Variants in CHCT1 observed in about 807,000 individuals in gnomAD.
The protein encoded by CHCT1 is CHD1 helical C-terminal domain containing 1.
chr17:60,429,384 C>A, the CHCT1 span: 4 of 1,613,824 alleles, frequency 2.5e-6, no homozygotes, highest in Non-Finnish European at 3.4e-6. Context: ...GCCTCGGATG[C>A]GCCGGAGAGG....
chr17:60,430,122 CTTTTTTTTTTT>C, the CHCT1 span, among the ~76,000 whole-genome samples: 2 of 64,314 alleles, frequency 3.1e-5, no homozygotes, highest in Non-Finnish European at 8.0e-5. Context: ...ACGCACCTGG[CTTTTTTTTTTT>C]TTTTTTTTTT....
the CHCT1 span, among the ~76,000 whole-genome samples, chr17:60,430,102 G>A: frequency 6.9e-6 from 1 of 145,176 alleles, no homozygotes; most frequent in Non-Finnish European, 1.5e-5. Context: ...TGGGATTACA[G>A]GTGTGAGCCA....
At chr17:60,426,814 C>A in the CHCT1 span, 1 of 1,600,750 alleles carries the variant, frequency 6.2e-7, no homozygotes. Flanking sequence ...CGGCCAAGTT[C>A]CTGGTGAGGC....
At chr17:60,425,818 C>T in the CHCT1 span, 43 of 1,551,690 alleles carry the variant, frequency 2.8e-5, no homozygotes, top group South Asian at 4.0e-4. Context: ...CAAGCTCCAG[C>T]GCCAGCCCTG....
the CHCT1 span, chr17:60,425,678 G>A: frequency 1.3e-6 from 1 of 767,198 alleles, no homozygotes; most frequent in Non-Finnish European, 2.2e-6. Flanking sequence ...AGGTCTGAGG[G>A]CAATGGAGAA....
chr17:60,424,283 T>C, the CHCT1 span, among the ~76,000 whole-genome samples: 1 of 152,134 alleles, frequency 6.6e-6, no homozygotes, highest in African/African-American at 2.4e-5. Context: ...ATGACGATGC[T>C]AGAGGCTAGG....
the CHCT1 span, among the ~76,000 whole-genome samples, chr17:60,428,335 C>T: frequency 2.6e-5 from 4 of 152,248 alleles, no homozygotes; most frequent in South Asian, 2.1e-4. Flanking sequence ...CCTGCACTCT[C>T]GCCGTGCAGC....
chr17:60,428,798 A>C, the CHCT1 span, among the ~76,000 whole-genome samples: 1 of 151,864 alleles, frequency 6.6e-6, no homozygotes, highest in Non-Finnish European at 1.5e-5. Flanking sequence ...AAAAATTTAT[A>C]TATATATAGT....
the CHCT1 span, chr17:60,425,867 C>G: frequency 6.4e-7 from 1 of 1,551,468 alleles, no homozygotes; most frequent in Non-Finnish European, 8.7e-7. Context: ...GGGCCTGGAT[C>G]AGGACACCTT....
chr17:60,428,170 G>A, the CHCT1 span, among the ~76,000 whole-genome samples: 1 of 152,142 alleles, frequency 6.6e-6, no homozygotes, highest in African/African-American at 2.4e-5. Flanking sequence ...GTAACCCTAA[G>A]TGGTAATTAG....
chr17:60,428,939 G>A, the CHCT1 span, among the ~76,000 whole-genome samples: 2 of 144,710 alleles, frequency 1.4e-5, no homozygotes, highest in South Asian at 4.3e-4. Flanking sequence ...GTTTCGCTCT[G>A]TTGCCCAGGC....
At chr17:60,428,432 A>C in the CHCT1 span, among the ~76,000 whole-genome samples, 1 of 152,080 alleles carries the variant, frequency 6.6e-6, no homozygotes, top group Non-Finnish European at 1.5e-5. Context: ...TCTTCTGAAT[A>C]AGAGGAGCTG....
chr17:60,421,909 C>A, the CHCT1 span: 2 of 985,390 alleles, frequency 2.0e-6, no homozygotes, highest in Admixed American at 6.1e-5. Flanking sequence ...TGAAGCGGGA[C>A]CGCTGCGGTA....
chr17:60,431,046 G>A, the CHCT1 span: 1 of 612,336 alleles, frequency 1.6e-6, no homozygotes, highest in Admixed American at 3.0e-5. Context: ...AAAAAACTAA[G>A]TGATATAGGT....
the CHCT1 span, among the ~76,000 whole-genome samples, chr17:60,429,165 G>A: frequency 6.6e-6 from 1 of 152,186 alleles, no homozygotes; most frequent in Non-Finnish European, 1.5e-5. Flanking sequence ...AACGCAGGAG[G>A]ACACCATTGG....
the CHCT1 span, chr17:60,422,659 AGGG>A: frequency 6.6e-7 from 1 of 1,505,776 alleles, no homozygotes; most frequent in Middle Eastern, 1.8e-4. Flanking sequence ...GTGGGGTGTG[AGGG>A]AGGGAGGGAA....
chr17:60,422,683 G>A, the CHCT1 span: 3 of 1,513,934 alleles, frequency 2.0e-6, no homozygotes, highest in East Asian at 5.0e-5. Context: ...GGAGGGTCCC[G>A]GAGGGGCTGG....
the CHCT1 span, chr17:60,421,598 G>A: frequency 2.0e-5 from 20 of 983,042 alleles, no homozygotes; most frequent in Non-Finnish European, 2.3e-5. Context: ...AACTGCGGGG[G>A]CAACGGTCTC....
chr17:60,422,234 C>A, the CHCT1 span: 1 of 330,112 alleles, frequency 3.0e-6, no homozygotes, highest in South Asian at 2.7e-5. Context: ...AAAATGAGTT[C>A]AACAGCCTTA....
Sources: allele counts gnomAD v4.1 joint callset (sites outside exome capture counted in the v4.1 genomes callset), GRCh38; gene constraint gnomAD v4.1.1; transcripts MANE v1.5; gene names NCBI Gene and HGNC (gene_info 2026-07-23, HGNC 2026-07-21).